AKAP13: variants seen among roughly 807,000 people sequenced by gnomAD.
AKAP13 encodes the protein A-kinase anchor protein 13.
A neutral mutation model predicts 264.5 loss-of-function variants in AKAP13; 80 were observed. The observed-to-expected ratio is 0.30, with a 90% confidence interval of 0.25 to 0.36. The LOEUF (loss-of-function observed/expected upper bound fraction) is 0.36, where lower values mean the gene tolerates loss of function less well. Among genes scored for constraint, AKAP13 ranks in the 10% least tolerant of loss-of-function variants. The pLI is 1.00. For missense variants in AKAP13, 3,712 were observed against 3,435.2 expected, an observed-to-expected ratio of 1.08 and a Z score of -2.01; for synonymous variants, 1,380 against 1,250.2, an observed-to-expected ratio of 1.10 and a Z score of -2.19.
At position 85,458,025 on chromosome 15, in the gene AKAP13, A is replaced by T. The variant is rs1412537371; in HGVS notation, c.-11-27685A>T. ...TGTGGTGGCGCCCGCCTGTAATCCC[A>T]CCTACTCTAGAGGCTGAGGCAGGAG... On this transcript the variant is annotated intron_variant, in intron 1 of 36. Transcript: ENST00000394518. Among the ~76,000 whole-genome samples, 4 of 151,704 alleles carry T rather than the reference A, an allele frequency of 2.6e-5. No individual in the cohort carries two copies. The South Asian group carries it at 8.3e-4, about 31-fold the overall frequency.
At chr15:85,679,010 G>T (rs1054027153) in intron 14 of AKAP13, among the ~76,000 whole-genome samples, 1 of 152,138 alleles carries the variant, frequency 6.6e-6, no homozygotes, top group Non-Finnish European at 1.5e-5. Context: ...GGAGACTGAG[G>T]TGGGCGGATC....
intron 4 of AKAP13, chr15:85,535,297 C>T (rs1156327029): frequency 6.6e-6 from 1 of 152,218 alleles, no homozygotes; most frequent in Non-Finnish European, 1.5e-5. Context: ...CTAAATTTAA[C>T]AGTTAAACCT....
At chr15:85,694,561 A>T (rs2085465590) in intron 17 of AKAP13, among the ~76,000 whole-genome samples, 1 of 152,262 alleles carries the variant, frequency 6.6e-6, no homozygotes, top group East Asian at 1.9e-4. Context: ...AATTATTCTT[A>T]GCTCATGGGC....
chr15:85,511,472 T>C (rs1194208333), intron 2 of AKAP13, among the ~76,000 whole-genome samples: 2 of 152,332 alleles, frequency 1.3e-5, no homozygotes, highest in Admixed American at 6.5e-5. Flanking sequence ...TCTACCCTGC[T>C]GATACATGAA....
intron 3 of AKAP13, among the ~76,000 whole-genome samples, chr15:85,527,877 C>T (rs544386801): frequency 1.6e-4 from 24 of 152,120 alleles, no homozygotes; most frequent in Non-Finnish European, 3.1e-4. Context: ...GACTTTGATG[C>T]GAAACTGAAG....
intron 1 of AKAP13, among the ~76,000 whole-genome samples, chr15:85,426,167 T>A (rs1235552683): frequency 6.6e-6 from 1 of 152,232 alleles, no homozygotes; most frequent in Non-Finnish European, 1.5e-5. Flanking sequence ...AAATCTTCTT[T>A]AAAATATTTT....
chr15:85,727,370 G>T lies in AKAP13; in HGVS notation c.7005-11G>T, dbSNP rs1307265629. The T allele has an allele frequency of 6.2e-7, 1 of 1,614,146 alleles. No individual in the cohort carries two copies. Among genetic ancestry groups the T allele is most frequent in the Non-Finnish European group, 8.5e-7 (1 of 1,180,004 alleles). The stretch of plus-strand genomic sequence containing the variant: ...GGAATTTTTTGTTCTGTCTTGTTTG[G>T]GTTGTATTAGGAACAGAGATGAAGA... On this transcript the variant is annotated splice_polypyrimidine_tract_variant and intron_variant, in intron 28 of 36. Coordinates refer to ENST00000394518, the MANE Select transcript of AKAP13 (RefSeq NM_007200.5). This position sits in a 1 kb window ranked among gnomAD's most constrained non-coding sequence, Gnocchi z 5.3.
intron 1 of AKAP13, among the ~76,000 whole-genome samples, chr15:85,474,325 C>T (rs368220821): frequency 2.6e-5 from 4 of 152,238 alleles, no homozygotes; most frequent in Non-Finnish European, 5.9e-5. Flanking sequence ...GTCAGATTCT[C>T]TGCTAAAAAT....
At chr15:85,608,138 CTT>C (rs201162077) in intron 8 of AKAP13, among the ~76,000 whole-genome samples, 2 of 89,872 alleles carry the variant, frequency 2.2e-5, no homozygotes, top group African/African-American at 7.8e-5. Flanking sequence ...TAGAGCTATT[CTT>C]TTTTTGAAGA....
At chr15:85,686,171 G>T (rs1284231041) in intron 16 of AKAP13, among the ~76,000 whole-genome samples, 1 of 119,000 alleles carries the variant, frequency 8.4e-6, no homozygotes, top group East Asian at 2.5e-4. Context: ...GTGTGTATGT[G>T]TGTGTGTGCA....
chr15:85,655,382 T>C, intron 10 of AKAP13, 35 bp from the exon 11 acceptor site: 1 of 1,590,948 alleles, frequency 6.3e-7, no homozygotes, highest in Non-Finnish European at 8.6e-7. Context: ...TTGGCCCTGC[T>C]GGCTTCAACC....
intron 11 of AKAP13, among the ~76,000 whole-genome samples, chr15:85,657,109 G>A (rs35348278): frequency 0.2 from 30,934 of 151,988 alleles, 4,181 homozygotes; most frequent in Middle Eastern, 0.41. Context: ...TCATACCACT[G>A]CACTCCAGTC....
chr15:85,668,868 G>T (rs980509922), intron 13 of AKAP13, among the ~76,000 whole-genome samples: 1 of 150,954 alleles, frequency 6.6e-6, no homozygotes, highest in African/African-American at 2.4e-5. Context: ...GCTTGAACCT[G>T]GGAGGCAGAG....
In AKAP13 at chr15:85,749,262, G is replaced by C. The variant is rs1011985166; in HGVS notation, c.*4585G>C. 1.3e-5 allele frequency: 2 copies of C among 152,148 alleles called. No individual in the cohort carries two copies. Among genetic ancestry groups the C allele is most frequent in the African/African-American group, 4.8e-5 (2 of 41,420 alleles). The allele number at this position is 152,148 out of a possible 1,614,324, so 9.4% of individuals were successfully genotyped here. ...AATTTTGCCACAACATACTGGCTTCGTATTTTATTTATCTTTCTTTCTAGT... is the reference window on the plus strand; with the variant it reads ...AATTTTGCCACAACATACTGGCTTCCTATTTTATTTATCTTTCTTTCTAGT... On this transcript the variant is annotated 3_prime_UTR_variant, in exon 37 of 37. Coordinates refer to ENST00000394518, the MANE Select transcript of AKAP13 (RefSeq NM_007200.5).
intron 2 of AKAP13, among the ~76,000 whole-genome samples, chr15:85,486,197 C>A (rs1317197561): frequency 1.3e-5 from 2 of 152,158 alleles, no homozygotes; most frequent in East Asian, 1.9e-4. Context: ...TGAGGGACTT[C>A]CCTCATTCAG....
At chr15:85,662,502 C>A in intron 12 of AKAP13, 1 of 1,607,298 alleles carries the variant, frequency 6.2e-7, no homozygotes. Flanking sequence ...CCATAAAATA[C>A]GCCATCAGGG....
intron 1 of AKAP13, among the ~76,000 whole-genome samples, chr15:85,412,038 T>C (rs142803106): frequency 1.3e-5 from 2 of 152,344 alleles, no homozygotes; most frequent in East Asian, 3.9e-4. Flanking sequence ...TAATGAAATG[T>C]ATCTACATTT....
At chr15:85,640,156 T>C (rs1442847536) in intron 9 of AKAP13, among the ~76,000 whole-genome samples, 1 of 152,218 alleles carries the variant, frequency 6.6e-6, no homozygotes, top group African/African-American at 2.4e-5. Flanking sequence ...TGTGCTCCGT[T>C]GTCTCCCTCC....
At chr15:85,466,373 C>G (rs1223010220) in intron 1 of AKAP13, among the ~76,000 whole-genome samples, 3 of 152,056 alleles carry the variant, frequency 2.0e-5, no homozygotes, top group African/African-American at 4.8e-5. Context: ...TCCCATTTGT[C>G]AATTTTGGCT....
Sources: gnomAD v4.1 joint callset for allele counts (sites outside exome capture counted in the v4.1 genomes callset) on GRCh38, gnomAD v4.1.1 for gene constraint, Gnocchi (gnomAD v3.1) non-coding constraint, MANE v1.5 for transcripts, NCBI Gene and HGNC (gene_info 2026-07-23, HGNC 2026-07-21) for gene names.